STARD13: variants seen among roughly 807,000 people sequenced by gnomAD.
STARD13 encodes stAR-related lipid transfer protein 13.
In STARD13, 62 loss-of-function variants were observed where a neutral mutation model predicts 106.4. That is an observed-to-expected ratio of 0.58 (90% CI 0.48 to 0.72). The LOEUF is 0.72. STARD13 is among the 30% of genes least tolerant of loss of function. The pLI is 0.00. For synonymous variants in STARD13, 565 were observed against 553.0 expected (o/e 1.02, Z -0.31); for missense variants, 1,387 against 1,424.0 (o/e 0.97, Z 0.42).
At chr13:33,219,817 A>C (rs1358661567) in intron 1 of STARD13, among the ~76,000 whole-genome samples, 7 of 146,912 alleles carry the variant, frequency 4.8e-5, no homozygotes, top group South Asian at 2.1e-4. Flanking sequence ...AACAAACAAA[A>C]AAAAAAAAAG....
At chr13:33,418,378 G>A in the STARD13 span, among the ~76,000 whole-genome samples, 1 of 152,226 alleles carries the variant, frequency 6.6e-6, no homozygotes, top group Non-Finnish European at 1.5e-5. Context: ...CTGCAGCTGG[G>A]CAAGGGGAGG....
chr13:33,539,668 AT>A, the STARD13 span, among the ~76,000 whole-genome samples: 14 of 152,236 alleles, frequency 9.2e-5, no homozygotes, highest in African/African-American at 3.4e-4. Flanking sequence ...CAGGATTTCT[AT>A]TTTGAAAAAT....
At chr13:33,161,195 G>A (rs1246882442) in intron 3 of STARD13, among the ~76,000 whole-genome samples, 8 of 152,162 alleles carry the variant, frequency 5.3e-5, no homozygotes, top group African/African-American at 1.9e-4. Context: ...TCATTTGTAT[G>A]ATATTTTAGC....
the STARD13 span, chr13:33,656,950 G>A: frequency 2.6e-4 from 40 of 152,326 alleles, no homozygotes; most frequent in African/African-American, 9.6e-4. Flanking sequence ...CCACTGGAGT[G>A]ATAGAATCAC....
At chr13:33,152,971 T>C (rs1007129854) in intron 3 of STARD13, among the ~76,000 whole-genome samples, 1 of 152,106 alleles carries the variant, frequency 6.6e-6, no homozygotes, top group African/African-American at 2.4e-5. Flanking sequence ...AAAACACTTT[T>C]TGGATTGAGC....
At chr13:33,452,761 A>G in the STARD13 span, among the ~76,000 whole-genome samples, 4 of 152,226 alleles carry the variant, frequency 2.6e-5, no homozygotes, top group African/African-American at 4.8e-5. Context: ...CTCATCCATA[A>G]CATGGAGGCC....
intron 1 of STARD13, among the ~76,000 whole-genome samples, chr13:33,190,285 A>G (rs1460881358): frequency 6.6e-6 from 1 of 152,154 alleles, no homozygotes; most frequent in Non-Finnish European, 1.5e-5. Context: ...AATGAAAAGA[A>G]TTTAGCCCGG....
At chr13:33,307,421 A>C (rs1233054217) in intron 1 of STARD13, among the ~76,000 whole-genome samples, 1 of 152,244 alleles carries the variant, frequency 6.6e-6, no homozygotes, top group Admixed American at 6.5e-5. Context: ...AATGTCCATC[A>C]AGGTTACAAT....
chr13:33,596,080 T>G, the STARD13 span, among the ~76,000 whole-genome samples: 1 of 152,196 alleles, frequency 6.6e-6, no homozygotes, highest in East Asian at 1.9e-4. Flanking sequence ...AATATGTGAT[T>G]TCATAGTTTG....
the STARD13 span, among the ~76,000 whole-genome samples, chr13:33,467,704 C>A: frequency 6.6e-6 from 1 of 152,130 alleles, no homozygotes; most frequent in African/African-American, 2.4e-5. Context: ...CTACCATGCG[C>A]CAGGCACTTA....
At chr13:33,354,160 C>T (rs2078105248), upstream of STARD13, among the ~76,000 whole-genome samples, 1 of 152,122 alleles carries the variant, frequency 6.6e-6, no homozygotes, top group Non-Finnish European at 1.5e-5. Flanking sequence ...TTCAATCTTC[C>T]CCCACTTCTC....
At chr13:33,349,769 C>T (rs975243239) in intron 1 of STARD13, among the ~76,000 whole-genome samples, 6 of 152,230 alleles carry the variant, frequency 3.9e-5, no homozygotes, top group Non-Finnish European at 8.8e-5. Context: ...CCACCTGTCT[C>T]CCGTCACATC....
the STARD13 span, among the ~76,000 whole-genome samples, chr13:33,376,429 G>T: frequency 6.6e-6 from 1 of 152,146 alleles, no homozygotes; most frequent in Middle Eastern, 3.2e-3. Flanking sequence ...GGTTGAAGGT[G>T]CAAGAATTAC....
chr13:33,404,157 C>T, the STARD13 span, among the ~76,000 whole-genome samples: 1 of 152,098 alleles, frequency 6.6e-6, no homozygotes, highest in Non-Finnish European at 1.5e-5. Context: ...GTGGGAAAGA[C>T]GTCTTAATGG....
chr13:33,559,335 A>G, the STARD13 span, among the ~76,000 whole-genome samples: 4 of 151,712 alleles, frequency 2.6e-5, no homozygotes, highest in East Asian at 3.8e-4. Flanking sequence ...TAAAACTCAG[A>G]TATACCTTAG....
chr13:33,309,918 G>A (rs574949727), intron 1 of STARD13, among the ~76,000 whole-genome samples: 1 of 152,232 alleles, frequency 6.6e-6, no homozygotes, highest in South Asian at 2.1e-4. Context: ...CCTTCATATG[G>A]AATCACATTT....
the STARD13 span, among the ~76,000 whole-genome samples, chr13:33,496,089 T>G: frequency 7.0e-6 from 1 of 142,344 alleles, no homozygotes; most frequent in Middle Eastern, 8.5e-3. Context: ...TATAATTATA[T>G]TAACTAAATA....
chr13:33,637,437 A>G, the STARD13 span, among the ~76,000 whole-genome samples: 11 of 152,240 alleles, frequency 7.2e-5, no homozygotes, highest in African/African-American at 2.7e-4. Flanking sequence ...GTAAATGAGA[A>G]CAAAACTTGT....
intron 1 of STARD13, among the ~76,000 whole-genome samples, chr13:33,214,476 C>G (rs1887907974): frequency 6.6e-6 from 1 of 152,160 alleles, no homozygotes; most frequent in Non-Finnish European, 1.5e-5. Flanking sequence ...TCAACATAGG[C>G]AAGCAGCACT....
Sources: gnomAD v4.1 joint callset for allele counts (sites outside exome capture counted in the v4.1 genomes callset) on GRCh38, gnomAD v4.1.1 for gene constraint, MANE v1.5 for transcripts, NCBI Gene and HGNC (gene_info 2026-07-23, HGNC 2026-07-21) for gene names.